The following ANKRD30B variants were observed in gnomAD, a reference collection of about 807,000 sequenced individuals.
The protein encoded by ANKRD30B is ankyrin repeat domain-containing protein 30B.
Under a neutral mutation model 202.2 loss-of-function variants are expected in ANKRD30B, and 144 were observed. That is an observed-to-expected ratio of 0.71 (90% confidence interval 0.62 to 0.82). The LOEUF (loss-of-function observed/expected upper bound fraction) is 0.82. ANKRD30B is among the 40% of genes least tolerant of loss of function. The pLI is 0.00. For synonymous variants in ANKRD30B, 508 were observed against 561.3 expected (o/e 0.91, Z 1.34); for missense variants, 1,487 against 1,669.1 (o/e 0.89, Z 1.90).
the ANKRD30B span, among the ~76,000 whole-genome samples, chr18:14,874,038 C>T: frequency 6.6e-6 from 1 of 152,220 alleles, no homozygotes; most frequent in Non-Finnish European, 1.5e-5. Context: ...GTGCCACTTA[C>T]TTGCTTAGTC....
chr18:14,939,412 T>G, the ANKRD30B span, among the ~76,000 whole-genome samples: 3 of 152,094 alleles, frequency 2.0e-5, no homozygotes, highest in East Asian at 5.8e-4. Flanking sequence ...TGTCCCCAGG[T>G]GTGGGGGATC....
intron 33 of ANKRD30B, among the ~76,000 whole-genome samples, chr18:14,828,790 CTTG>C (rs1398167513): frequency 1.3e-5 from 2 of 152,182 alleles, no homozygotes; most frequent in Admixed American, 1.3e-4. Context: ...TAACCAGTAC[CTTG>C]TTTTTATCAC....
chr18:14,796,960 T>G (rs1266092931), intron 18 of ANKRD30B, among the ~76,000 whole-genome samples: 1 of 152,176 alleles, frequency 6.6e-6, no homozygotes, highest in Non-Finnish European at 1.5e-5. Flanking sequence ...TGTGCATCGG[T>G]AATTTCTAAC....
At chr18:14,852,445 T>C in intron 42 of ANKRD30B, 25 bp downstream of exon 42, 1 of 1,504,920 alleles carries the variant, frequency 6.6e-7, no homozygotes, top group Non-Finnish European at 8.8e-7. Context: ...ATATAAATAC[T>C]TTTCAAACTT....
intron 7 of ANKRD30B, among the ~76,000 whole-genome samples, chr18:14,765,537 G>T (rs1281766544): frequency 1.3e-5 from 2 of 152,108 alleles, no homozygotes; most frequent in East Asian, 3.8e-4. Flanking sequence ...ATTGAACTCT[G>T]CATTGTAGAG....
chr18:14,805,764 T>C (rs1433267422), intron 24 of ANKRD30B, among the ~76,000 whole-genome samples: 1 of 150,788 alleles, frequency 6.6e-6, no homozygotes, highest in Non-Finnish European at 1.5e-5. Context: ...GTGTCATGAT[T>C]TGCTCCTCTG....
At chr18:14,878,204 C>T in the ANKRD30B span, among the ~76,000 whole-genome samples, 1 of 152,084 alleles carries the variant, frequency 6.6e-6, no homozygotes, top group African/African-American at 2.4e-5. Context: ...GGATACTCTC[C>T]CTTTGTGGAA....
intron 9 of ANKRD30B, among the ~76,000 whole-genome samples, chr18:14,773,946 C>G (rs991069792): frequency 1.3e-5 from 2 of 152,066 alleles, no homozygotes; most frequent in African/African-American, 4.8e-5. Context: ...AGCCCCCGCG[C>G]CCATCCAAAA....
At chr18:14,797,433 T>C (rs45554936) in intron 18 of ANKRD30B, among the ~76,000 whole-genome samples, 6,816 of 152,254 alleles carry the variant, frequency 0.045, 231 homozygotes, top group Non-Finnish European at 0.071. Flanking sequence ...AGTTTTGTAT[T>C]TACAATAACC....
chr18:14,837,169 GT>G (rs56391489), intron 34 of ANKRD30B, 41 bp from the exon 35 acceptor site: 639,771 of 1,256,088 alleles, frequency 0.51, 151,780 homozygotes, highest in Non-Finnish European at 0.52. Flanking sequence ...TTTTTCTGAA[GT>G]TTTTTTTTTG....
chr18:14,883,539 C>A, the ANKRD30B span: 1,977 of 149,296 alleles, frequency 0.013, 45 homozygotes, highest in African/African-American at 0.047. Flanking sequence ...CTTTTTAGGT[C>A]TTATTCTCAG....
chr18:14,782,485 G>A (rs78148585), intron 11 of ANKRD30B, 42 bp from the exon 12 acceptor site: 3 of 1,318,530 alleles, frequency 2.3e-6, no homozygotes, highest in East Asian at 2.6e-5. Context: ...TGCTTCTTAT[G>A]ATTTTAAAAT....
At chr18:14,769,834 G>A (rs371611251) in intron 8 of ANKRD30B, among the ~76,000 whole-genome samples, 3 of 152,198 alleles carry the variant, frequency 2.0e-5, no homozygotes, top group African/African-American at 7.2e-5. Flanking sequence ...ATGTTTAACT[G>A]TTAAAGCGGT....
At chr18:14,790,426 G>C (rs1968406327) in intron 15 of ANKRD30B, among the ~76,000 whole-genome samples, 1 of 152,142 alleles carries the variant, frequency 6.6e-6, no homozygotes, top group South Asian at 2.1e-4. Flanking sequence ...ACAACACTAT[G>C]TTGATTAGGA....
intron 26 of ANKRD30B, 146 bp downstream of exon 26, chr18:14,808,890 T>A (rs1969729165): frequency 1.4e-6 from 1 of 724,674 alleles, no homozygotes; most frequent in Non-Finnish European, 2.2e-6. Flanking sequence ...AGTATTTATG[T>A]TTGAGAAAAT....
chr18:14,789,686 A>G (rs1968332461), intron 15 of ANKRD30B, among the ~76,000 whole-genome samples: 1 of 152,160 alleles, frequency 6.6e-6, no homozygotes, highest in Admixed American at 6.5e-5. Flanking sequence ...GGTTTGTCAA[A>G]GATCAGATAG....
chr18:14,908,358 C>T, the ANKRD30B span, among the ~76,000 whole-genome samples: 12 of 152,198 alleles, frequency 7.9e-5, no homozygotes, highest in Admixed American at 7.9e-4. Flanking sequence ...CAAATGACAG[C>T]TGTGCGGGAC....
the ANKRD30B span, among the ~76,000 whole-genome samples, chr18:14,868,577 C>A: frequency 6.6e-6 from 1 of 152,274 alleles, no homozygotes. Flanking sequence ...GAAAGGGAAC[C>A]TCTCAGGAGG....
chr18:14,872,310 T>C, the ANKRD30B span, among the ~76,000 whole-genome samples: 20 of 152,144 alleles, frequency 1.3e-4, no homozygotes, highest in African/African-American at 4.1e-4. Flanking sequence ...TTCTAAGAGA[T>C]GGAAACTTTT....
Sources: gnomAD v4.1 joint callset for allele counts (sites outside exome capture counted in the v4.1 genomes callset) on GRCh38, gnomAD v4.1.1 for gene constraint, MANE v1.5 for transcripts, NCBI Gene and HGNC (gene_info 2026-07-23, HGNC 2026-07-21) for gene names.